The following PPP2R5C variants were observed in gnomAD, a reference collection of about 807,000 sequenced individuals.
PPP2R5C encodes protein phosphatase 2 regulatory subunit B'gamma.
In PPP2R5C, 7 loss-of-function variants were observed where a neutral mutation model predicts 68.9. The observed-to-expected ratio is 0.10, with a 90% confidence interval of 0.06 to 0.19. The LOEUF (loss-of-function observed/expected upper bound fraction) is 0.19. PPP2R5C is among the 10% of genes least tolerant of loss of function. The pLI is 1.00. For missense variants in PPP2R5C, 348 were observed against 641.3 expected, an observed-to-expected ratio of 0.54 and a Z score of 4.94; for synonymous variants, 210 against 222.2, an observed-to-expected ratio of 0.95 and a Z score of 0.49.
intron 2 of PPP2R5C, among the ~76,000 whole-genome samples, chr14:101,774,065 C>T (rs1051190722): frequency 6.6e-6 from 1 of 152,186 alleles, no homozygotes; most frequent in African/African-American, 2.4e-5. Flanking sequence ...GTAAGAGGAT[C>T]TTCCTAGCTG....
intron 9 of PPP2R5C, among the ~76,000 whole-genome samples, chr14:101,904,575 A>G (rs1251964175): frequency 2.0e-5 from 3 of 151,920 alleles, no homozygotes; most frequent in East Asian, 1.9e-4. Flanking sequence ...CCCCTCCCCC[A>G]TTACCTAACT....
At chr14:101,802,560 G>C (rs2038911360) in intron 3 of PPP2R5C, among the ~76,000 whole-genome samples, 1 of 152,220 alleles carries the variant, frequency 6.6e-6, no homozygotes, top group Non-Finnish European at 1.5e-5. Flanking sequence ...CATGACATTG[G>C]ATTTGACAGT....
At chr14:101,802,294 A>G (rs900111358) in intron 3 of PPP2R5C, among the ~76,000 whole-genome samples, 1 of 151,984 alleles carries the variant, frequency 6.6e-6, no homozygotes, top group Non-Finnish European at 1.5e-5. Flanking sequence ...CACCTGTAGT[A>G]CCAGCCACTC....
intron 8 of PPP2R5C, 24 bp downstream of exon 10, chr14:101,894,584 T>C: frequency 6.2e-7 from 1 of 1,602,410 alleles, no homozygotes; most frequent in Non-Finnish European, 8.5e-7. Context: ...CTAGCGCGTC[T>C]TGTAAGATGT....
intron 10 of PPP2R5C, among the ~76,000 whole-genome samples, chr14:101,908,273 G>A (rs932867953): frequency 1.3e-5 from 2 of 152,238 alleles, no homozygotes; most frequent in African/African-American, 2.4e-5. Context: ...TAGCAGTGGA[G>A]GCAGCAGCCA....
At chr14:101,764,030 G>GTGTGTGCGCGCGT (rs1462659583) in intron 2 of PPP2R5C, among the ~76,000 whole-genome samples, 3 of 146,256 alleles carry the variant, frequency 2.1e-5, no homozygotes, top group South Asian at 2.2e-4. Context: ...TGTGTGTGTG[G>GTGTGTGCGCGCGT]GCGCGCGCAC....
Position 101,900,080 on chromosome 14 carries a change from C to T in PPP2R5C, c.853-1639C>T, listed in dbSNP as rs569411226. Among the ~76,000 whole-genome samples, 3 of 151,834 alleles carry T rather than the reference C, an allele frequency of 2.0e-5. No individual in the cohort carries two copies. The South Asian group carries it at 6.3e-4, about 32-fold the overall frequency. ...TTTTAAATTTTGTGTAGAGACAGGA[C>T]CTCACCACGGTGCCCAGGTCGGTCT... On this transcript the variant is annotated intron_variant, in intron 8 of 13. Coordinates refer to ENST00000334743, the Ensembl canonical transcript of PPP2R5C.
intron 1 of PPP2R5C, chr14:101,843,517 G>T: frequency 5.7e-6 from 1 of 175,492 alleles, no homozygotes; most frequent in Non-Finnish European, 1.2e-5. Context: ...GCTATACTTG[G>T]CTGCATGTTT....
At chr14:101,783,757 A>G (rs1394008417) in intron 2 of PPP2R5C, among the ~76,000 whole-genome samples, 2 of 152,116 alleles carry the variant, frequency 1.3e-5, no homozygotes, top group Non-Finnish European at 2.9e-5. Context: ...GCCTCTACCC[A>G]AGGTCCTCGC....
rs890004318 is a variant in PPP2R5C at position 101,917,817 on chromosome 14, G to A, written c.1327-14G>A. ...TGGGCACCTAACAGAGCGACTCCAC[G>A]CTTTGCATTGCAGTACACAGTGTAT... On this transcript the variant is annotated splice_polypyrimidine_tract_variant and intron_variant, in intron 12 of 13. Coordinates refer to ENST00000334743, the Ensembl canonical transcript of PPP2R5C. This position sits in a 1 kb window ranked among gnomAD's most constrained non-coding sequence, Gnocchi z 4.4. 43 of 1,613,030 alleles carry A rather than the reference G, an allele frequency of 2.7e-5. No homozygotes were observed. The highest frequency in any genetic ancestry group is 1.2e-4 in the African/African-American group (9 of 74,864).
At chr14:101,813,517 T>C (rs767881042) in intron 1 of PPP2R5C, among the ~76,000 whole-genome samples, 15 of 152,360 alleles carry the variant, frequency 9.8e-5, no homozygotes, top group Middle Eastern at 6.8e-3. Flanking sequence ...CTCCCTGTGC[T>C]GGGAAGCTGG....
intron 2 of PPP2R5C, among the ~76,000 whole-genome samples, chr14:101,777,146 C>T (rs966148943): frequency 6.6e-6 from 1 of 151,912 alleles, no homozygotes; most frequent in African/African-American, 2.4e-5. Context: ...CCCAAACGCT[C>T]GTTCCTTTTT....
chr14:101,812,707 A>G (rs1353743169), intron 1 of PPP2R5C, among the ~76,000 whole-genome samples: 1 of 152,160 alleles, frequency 6.6e-6, no homozygotes, highest in East Asian at 1.9e-4. Flanking sequence ...TCATTTATTA[A>G]TCATTTTACA....
At chr14:101,787,259 G>A (rs1476700345) in intron 3 of PPP2R5C, among the ~76,000 whole-genome samples, 1 of 152,028 alleles carries the variant, frequency 6.6e-6, no homozygotes, top group Non-Finnish European at 1.5e-5. Flanking sequence ...TCAGGAAAAA[G>A]AAAAGTAAAT....
intron 5 of PPP2R5C, among the ~76,000 whole-genome samples, chr14:101,886,596 C>G (rs2044535160): frequency 6.6e-6 from 1 of 152,114 alleles, no homozygotes; most frequent in African/African-American, 2.4e-5. Flanking sequence ...AGCATGCTAT[C>G]TAGATTCCGT....
intron 7 of PPP2R5C, among the ~76,000 whole-genome samples, chr14:101,894,203 G>C (rs2045151248): frequency 6.6e-6 from 1 of 152,198 alleles, no homozygotes; most frequent in Admixed American, 6.5e-5. Context: ...CCCACTGTTA[G>C]ATGACTCGTT....
rs557652494 is a variant in PPP2R5C, at chr14:101,792,462, G to A, written c.259+6279G>A. On this transcript the variant is annotated intron_variant, in intron 3 of 14. Coordinates refer to the PPP2R5C transcript ENST00000328724. Reference sequence around the variant, plus strand: ...TAGCGAATTCAACATTTACTCTAACGTTCTTCTGAAAGCAGTGATTTTTCT... The same window carrying A: ...TAGCGAATTCAACATTTACTCTAACATTCTTCTGAAAGCAGTGATTTTTCT... Among the ~76,000 whole-genome samples the A allele has an allele frequency of 3.0e-4, 45 of 152,272 alleles. 1 individual carries two copies. The highest frequency in any genetic ancestry group is 6.2e-4 in the Non-Finnish European group (42 of 68,024).
rs2038694954 is a variant in PPP2R5C, at chr14:101,797,963, G to A, written c.259+11780G>A. On this transcript the variant is annotated intron_variant, in intron 3 of 14. Coordinates refer to the PPP2R5C transcript ENST00000328724. This position sits in a 1 kb window ranked among gnomAD's most constrained non-coding sequence, Gnocchi z 4.2. ...AGGCCTCGCTCACACAGCAACAAGT[G>A]CCTGTCCCTGTGTCCTTGCTGTTGG... is the stretch of plus-strand genomic sequence containing the variant. Among the ~76,000 whole-genome samples the A allele has an allele frequency of 6.6e-6, 1 of 152,056 alleles. No homozygotes were observed. The highest frequency in any genetic ancestry group is 2.1e-4 in the South Asian group (1 of 4,826).
At chr14:101,912,710 T>A in intron 12 of PPP2R5C, 1 of 810,578 alleles carries the variant, frequency 1.2e-6, no homozygotes, top group Non-Finnish European at 1.7e-6. Context: ...AAATAAGATC[T>A]GAATCTTATG....
Sources: gnomAD v4.1 joint callset for allele counts (sites outside exome capture counted in the v4.1 genomes callset) on GRCh38, gnomAD v4.1.1 for gene constraint, Gnocchi (gnomAD v3.1) non-coding constraint, MANE v1.5 for transcripts, NCBI Gene and HGNC (gene_info 2026-07-23, HGNC 2026-07-21) for gene names.